RPSA2: variants seen among roughly 807,000 people sequenced by gnomAD.
RPSA2 encodes small ribosomal subunit protein uS2B.
At chr19:23,764,230 G>A in the RPSA2 span, among the ~76,000 whole-genome samples, 4 of 152,142 alleles carry the variant, frequency 2.6e-5, no homozygotes, top group African/African-American at 9.7e-5. Flanking sequence ...TGTATGGCAA[G>A]CAGGACTTCT....
chr19:23,790,732 A>G, the RPSA2 span: 4 of 453,224 alleles, frequency 8.8e-6, no homozygotes, highest in Non-Finnish European at 1.7e-5. Flanking sequence ...GGTACTGGAG[A>G]TCCACAGCAA....
chr19:23,868,845 G>C, the RPSA2 span, among the ~76,000 whole-genome samples: 1 of 152,128 alleles, frequency 6.6e-6, no homozygotes, highest in African/African-American at 2.4e-5. Context: ...CATGGGCCCG[G>C]TCCCTCTGGT....
the RPSA2 span, among the ~76,000 whole-genome samples, chr19:23,831,385 G>A: frequency 6.6e-6 from 1 of 152,056 alleles, no homozygotes; most frequent in Non-Finnish European, 1.5e-5. Flanking sequence ...CTGGAACACT[G>A]CACACACTTA....
the RPSA2 span, chr19:23,790,838 C>A: frequency 5.6e-6 from 3 of 535,036 alleles, no homozygotes; most frequent in Non-Finnish European, 1.0e-5. Flanking sequence ...TGGGAAGCAG[C>A]TGTGGTGGGA....
the RPSA2 span, among the ~76,000 whole-genome samples, chr19:23,830,352 C>T: frequency 0.98 from 148,915 of 152,242 alleles, 72,923 homozygotes; most frequent in Middle Eastern, 1. Context: ...ACCATCTTGT[C>T]CAGGCTGGCC....
chr19:23,761,632 G>C, the RPSA2 span, among the ~76,000 whole-genome samples: 1 of 151,906 alleles, frequency 6.6e-6, no homozygotes, highest in Non-Finnish European at 1.5e-5. Context: ...TCTTCTAAGT[G>C]AGATAAGGTA....
chr19:23,785,735 G>C, the RPSA2 span, among the ~76,000 whole-genome samples: 1 of 152,096 alleles, frequency 6.6e-6, no homozygotes, highest in Non-Finnish European at 1.5e-5. Flanking sequence ...TTCACAGGTA[G>C]GATTGTAAAA....
At chr19:23,846,557 G>T in the RPSA2 span, among the ~76,000 whole-genome samples, 1 of 152,016 alleles carries the variant, frequency 6.6e-6, no homozygotes, top group Admixed American at 6.5e-5. Flanking sequence ...CCAGTCTATT[G>T]GTAGTTAGTT....
chr19:23,857,378 T>C, the RPSA2 span, among the ~76,000 whole-genome samples: 1 of 152,192 alleles, frequency 6.6e-6, no homozygotes, highest in Non-Finnish European at 1.5e-5. Context: ...CTTCACAATT[T>C]ATGTTCCTCT....
the RPSA2 span, chr19:23,790,735 C>A: frequency 2.2e-6 from 1 of 455,088 alleles, no homozygotes; most frequent in Non-Finnish European, 4.2e-6. Flanking sequence ...ACTGGAGATC[C>A]ACAGCAAAGA....
At chr19:23,858,849 C>G in the RPSA2 span, among the ~76,000 whole-genome samples, 148,980 of 152,308 alleles carry the variant, frequency 0.98, 72,956 homozygotes, top group Middle Eastern at 1. Flanking sequence ...CTCATGCACT[C>G]TGTAAATGTC....
chr19:23,822,372 C>G, the RPSA2 span, among the ~76,000 whole-genome samples: 1 of 152,196 alleles, frequency 6.6e-6, no homozygotes, highest in South Asian at 2.1e-4. Context: ...CTGGGCTATC[C>G]TTTGACACTC....
chr19:23,850,837 A>G, the RPSA2 span, among the ~76,000 whole-genome samples: 1 of 152,138 alleles, frequency 6.6e-6, no homozygotes, highest in African/African-American at 2.4e-5. Context: ...GCTAAATGTA[A>G]TTGGGAATGG....
the RPSA2 span, among the ~76,000 whole-genome samples, chr19:23,847,818 A>T: frequency 6.6e-6 from 1 of 152,244 alleles, no homozygotes; most frequent in African/African-American, 2.4e-5. Flanking sequence ...TCCCCCCAGG[A>T]ATGCAATTCT....
chr19:23,861,069 T>C, the RPSA2 span, among the ~76,000 whole-genome samples: 1 of 152,176 alleles, frequency 6.6e-6, no homozygotes, highest in African/African-American at 2.4e-5. Context: ...TCACATTTGA[T>C]CTTGGACAAA....
chr19:23,799,534 A>G, the RPSA2 span: 2 of 152,162 alleles, frequency 1.3e-5, no homozygotes, highest in Non-Finnish European at 2.9e-5. Context: ...ATTGGCGTTC[A>G]CCTATGATGT....
chr19:23,825,591 A>T, the RPSA2 span, among the ~76,000 whole-genome samples: 3,320 of 151,190 alleles, frequency 0.022, 126 homozygotes, highest in African/African-American at 0.077. Context: ...ATCATAAAAT[A>T]CTCTTTTTTT....
chr19:23,798,381 A>C, the RPSA2 span, among the ~76,000 whole-genome samples: 1 of 152,212 alleles, frequency 6.6e-6, no homozygotes, highest in African/African-American at 2.4e-5. Flanking sequence ...AGTGGAGTAT[A>C]TTGTCATACC....
At chr19:23,774,723 T>C in the RPSA2 span, among the ~76,000 whole-genome samples, 1 of 151,960 alleles carries the variant, frequency 6.6e-6, no homozygotes, top group African/African-American at 2.4e-5. Flanking sequence ...TGCCTGAGCT[T>C]TGCTTACAGG....
Sources: gnomAD v4.1 joint callset for allele counts (sites outside exome capture counted in the v4.1 genomes callset) on GRCh38, gnomAD v4.1.1 for gene constraint, MANE v1.5 for transcripts, NCBI Gene and HGNC (gene_info 2026-07-23, HGNC 2026-07-21) for gene names.